Variants in EXOC2 observed in about 807,000 individuals in gnomAD.
EXOC2 encodes the protein SEC5-like 1.
Under a neutral mutation model 131.8 loss-of-function variants are expected in EXOC2, and 70 were observed. The ratio of observed to expected loss-of-function variants is 0.53; its 90% CI spans 0.44 to 0.65. EXOC2 has a LOEUF of 0.65. Ranked by LOEUF, EXOC2 falls within the 30% of genes least tolerant of loss-of-function variation. The pLI is 0.00. For missense variants in EXOC2, 923 were observed against 1,108.6 expected (o/e 0.83, Z 2.38); for synonymous variants, 411 against 398.4 (o/e 1.03, Z -0.38).
chr6:512,839 T>C (rs974606281), intron 23 of EXOC2, among the ~76,000 whole-genome samples: 9 of 152,236 alleles, frequency 5.9e-5, no homozygotes, highest in Non-Finnish European at 1.3e-4. Context: ...AAACAGTATC[T>C]AACCCCAACA....
intron 22 of EXOC2, among the ~76,000 whole-genome samples, chr6:544,550 T>C (rs898521613): frequency 2.6e-5 from 4 of 152,354 alleles, no homozygotes; most frequent in Non-Finnish European, 4.4e-5. Flanking sequence ...ATTTAGCTGA[T>C]TTTGTTTATA....
chr6:614,789 G>T (rs895759497), intron 6 of EXOC2, among the ~76,000 whole-genome samples: 9 of 151,972 alleles, frequency 5.9e-5, no homozygotes, highest in Admixed American at 2.0e-4. Context: ...TCAAATAGTG[G>T]ACCCTGAAGA....
At chr6:493,141 G>C (rs1050326545) in intron 25 of EXOC2, among the ~76,000 whole-genome samples, 2 of 152,128 alleles carry the variant, frequency 1.3e-5, no homozygotes, top group African/African-American at 4.8e-5. Context: ...AATGACAAAA[G>C]ACACAGCCAG....
chr6:610,696 C>T (rs1760669939), intron 6 of EXOC2, among the ~76,000 whole-genome samples: 1 of 152,218 alleles, frequency 6.6e-6, no homozygotes, highest in Non-Finnish European at 1.5e-5. Flanking sequence ...GATAATTGGT[C>T]AGAAAATTCT....
intron 1 of EXOC2, among the ~76,000 whole-genome samples, chr6:642,132 G>C (rs9392722): frequency 0.71 from 107,518 of 151,814 alleles, 38,696 homozygotes; most frequent in Middle Eastern, 0.88. Flanking sequence ...CAACCTCTTT[G>C]CACCAAAGAG....
intron 12 of EXOC2, among the ~76,000 whole-genome samples, chr6:575,456 ACTCCCTCTCCATCCTCTCCCTCG>A (rs750478412): frequency 1.5e-3 from 148 of 97,664 alleles, no homozygotes; most frequent in South Asian, 5.6e-3. Flanking sequence ...CCTCTCCCTC[ACTCCCTCTCCATCCTCTCCCTCG>A]CTCCCTCTCC....
intron 11 of EXOC2, among the ~76,000 whole-genome samples, chr6:586,108 T>C (rs1759190909): frequency 6.6e-6 from 1 of 152,228 alleles, no homozygotes; most frequent in Admixed American, 6.5e-5. Flanking sequence ...CGGTAGTAAT[T>C]GTGTTTTCAA....
At chr6:531,204 G>A (rs1171482091) in intron 23 of EXOC2, among the ~76,000 whole-genome samples, 2 of 152,222 alleles carry the variant, frequency 1.3e-5, no homozygotes, top group Non-Finnish European at 2.9e-5. Context: ...AGCTGGAGAG[G>A]GGCTGTGAGG....
chr6:631,798 TTATATATG>T (rs1344923318), intron 3 of EXOC2, among the ~76,000 whole-genome samples: 2 of 152,132 alleles, frequency 1.3e-5, no homozygotes, highest in East Asian at 3.8e-4. Context: ...AATAGAAATG[TTATATATG>T]TATATATGTA....
intron 1 of EXOC2, among the ~76,000 whole-genome samples, chr6:685,879 T>C (rs1042704369): frequency 6.8e-6 from 1 of 147,738 alleles, no homozygotes; most frequent in African/African-American, 2.5e-5. Context: ...CTTTTTTTTT[T>C]TTTTTTTTTT....
chr6:651,875 G>C (rs558247383), intron 1 of EXOC2, among the ~76,000 whole-genome samples: 1 of 151,708 alleles, frequency 6.6e-6, no homozygotes, highest in Non-Finnish European at 1.5e-5. Flanking sequence ...GATGAACATA[G>C]TGAAACCCCA....
chr6:685,975 C>CT lies in EXOC2; in HGVS notation c.-44+7043dup, dbSNP rs58492950. Among the ~76,000 whole-genome samples the CT allele has an allele frequency of 6.4e-3, 839 of 131,520 alleles. 2 individuals are homozygous for CT. Among genetic ancestry groups the CT allele is most frequent in the African/African-American group, 9.3e-3 (330 of 35,444 alleles). The allele number at this position is 131,520 out of a possible 152,430, so 86.3% of individuals were successfully genotyped here. On this transcript the variant is annotated intron_variant, in intron 1 of 27. Transcript: ENST00000230449. ...TAATGTATCCTGCTTTCCTGGACCTCTTTTTTTTTTTTTTGAGACGGAGTT... is the reference window on the plus strand; with the variant it reads ...TAATGTATCCTGCTTTCCTGGACCTCTTTTTTTTTTTTTTTGAGACGGAGTT...
rs148643129 is a variant in EXOC2, at chr6:537,729, T to C, written c.2239-5119A>G. ...TCACCATGAGAATGATTAAACAAAATCTGGTTATCCAAACTCAGCAATAAA... is the reference window on the plus strand; with the variant it reads ...TCACCATGAGAATGATTAAACAAAACCTGGTTATCCAAACTCAGCAATAAA... On this transcript the variant is annotated intron_variant, in intron 22 of 27. Coordinates refer to ENST00000230449, the MANE Select transcript of EXOC2 (RefSeq NM_018303.6). 2.4e-3 allele frequency among the ~76,000 whole-genome samples: 373 copies of C among 152,260 alleles called. 1 individual carries two copies. Among genetic ancestry groups the C allele is most frequent in the African/African-American group, 8.4e-3 (349 of 41,544 alleles).
chr6:598,549 T>C (rs1759948575), intron 9 of EXOC2, among the ~76,000 whole-genome samples: 1 of 152,198 alleles, frequency 6.6e-6, no homozygotes, highest in Non-Finnish European at 1.5e-5. Context: ...AAGATTAAAA[T>C]GTAGGTTTCC....
intron 22 of EXOC2, among the ~76,000 whole-genome samples, chr6:544,188 T>A (rs1309674938): frequency 2.6e-5 from 4 of 152,238 alleles, no homozygotes; most frequent in African/African-American, 9.7e-5. Flanking sequence ...CAAAGAGATG[T>A]GGTGCCTTTC....
At chr6:560,759 G>A (rs768961772) in intron 17 of EXOC2, among the ~76,000 whole-genome samples, 2 of 151,534 alleles carry the variant, frequency 1.3e-5, no homozygotes, top group Non-Finnish European at 2.9e-5. Flanking sequence ...CCAGGCTGGA[G>A]TGCAATGGCG....
intron 26 of EXOC2, among the ~76,000 whole-genome samples, chr6:490,061 T>A (rs182725165): frequency 1.3e-5 from 2 of 152,348 alleles, no homozygotes; most frequent in Admixed American, 1.3e-4. Context: ...AGCTTGTTTC[T>A]TATGAACCTC....
intron 1 of EXOC2, among the ~76,000 whole-genome samples, chr6:642,843 AG>A (rs1762416141): frequency 6.6e-6 from 1 of 152,172 alleles, no homozygotes; most frequent in South Asian, 2.1e-4. Flanking sequence ...TTATAGAAAT[AG>A]ATTTATCTAA....
chr6:613,214 C>T (rs541769910), intron 6 of EXOC2, among the ~76,000 whole-genome samples: 18 of 152,196 alleles, frequency 1.2e-4, no homozygotes, highest in African/African-American at 4.1e-4. Flanking sequence ...CTAAACATAC[C>T]AAGGTTGCTA....
Sources: allele counts gnomAD v4.1 joint callset (sites outside exome capture counted in the v4.1 genomes callset), GRCh38; gene constraint gnomAD v4.1.1; transcripts MANE v1.5; gene names NCBI Gene and HGNC (gene_info 2026-07-23, HGNC 2026-07-21).